The following CRADD variants were observed in gnomAD, a reference collection of about 807,000 sequenced individuals.
CRADD encodes the protein CARD and death domain containing adaptor protein.
CRADD carries 9 observed loss-of-function variants against 15.5 expected under a neutral mutation model. The observed-to-expected ratio is 0.58, with a 90% CI of 0.35 to 1.01. The LOEUF (loss-of-function observed/expected upper bound fraction) is 1.01. CRADD is among the 50% of genes least tolerant of loss of function. The pLI, the probability that CRADD is intolerant of heterozygous loss-of-function variation, is 0.02. For synonymous variants in CRADD, 118 were observed against 107.6 expected (o/e 1.10, Z -0.60); for missense variants, 227 against 250.3 (o/e 0.91, Z 0.63).
chr12:93,854,521 A>G (rs74679374), downstream of CRADD, among the ~76,000 whole-genome samples: 13,195 of 152,318 alleles, frequency 0.087, 652 homozygotes, highest in Non-Finnish European at 0.098. Flanking sequence ...ACCAAAAGGC[A>G]TGGAGAGAGG....
chr12:93,807,533 C>T (rs1444224138), intron 2 of CRADD, among the ~76,000 whole-genome samples: 1 of 152,126 alleles, frequency 6.6e-6, no homozygotes, highest in Non-Finnish European at 1.5e-5. Context: ...ATGTGCTAGG[C>T]ACTGTCCTAG....
chr12:93,887,892 T>A (rs1958548877), intron 2 of CRADD, among the ~76,000 whole-genome samples: 1 of 152,182 alleles, frequency 6.6e-6, no homozygotes, highest in African/African-American at 2.4e-5. Flanking sequence ...ACTTCATGTA[T>A]AACATGAAGG....
chr12:93,852,831 G>A (rs200122800), downstream of CRADD, among the ~76,000 whole-genome samples: 860 of 102,952 alleles, frequency 8.4e-3, 10 homozygotes, highest in African/African-American at 0.032. Context: ...TTTGGGTTGG[G>A]TTGGAGTGTG....
rs202101548 is a variant in CRADD at position 93,850,025 on chromosome 12, G to A, written c.354G>A (p.Arg118=). The change falls in exon 3 of 3, where the codon CGG becomes CGA. Residue 118 remains arginine, a synonymous_variant. Transcript: ENST00000332896. This position sits in a 1 kb window ranked among gnomAD's most constrained non-coding sequence, Gnocchi z 4.0. ...TCCTCAACAGCTCCCCATCAGACCGGCAGATTAACCAGCTGGCCCAGAGGC... is the reference window on the plus strand; with the variant it reads ...TCCTCAACAGCTCCCCATCAGACCGACAGATTAACCAGCTGGCCCAGAGGC... The part of the protein sequence containing the change: ...SHILNSSPSD[R]QINQLAQRLG... 15 of 1,611,500 alleles carry A rather than the reference G, an allele frequency of 9.3e-6. No homozygotes were observed. Among genetic ancestry groups the A allele is most frequent in the Non-Finnish European group, 1.3e-5 (15 of 1,177,622 alleles).
chr12:93,739,305 T>C lies in CRADD; in HGVS notation c.298+60233T>C, dbSNP rs1956633371. Among the ~76,000 whole-genome samples the C allele has an allele frequency of 2.0e-5, 3 of 150,352 alleles. No individual in the cohort carries two copies. In the Admixed American group the frequency reaches 2.0e-4, roughly 10 times the overall value. The stretch of plus-strand genomic sequence containing the variant: ...ACCCTGCTTATTTCCAATACAGATA[T>C]GAGGTTGGTACCCACTAATCTTAAC... On this transcript the variant is annotated intron_variant, in intron 2 of 2. Coordinates refer to ENST00000332896, the MANE Select transcript of CRADD (RefSeq NM_003805.5).
chr12:93,796,963 A>G (rs1957425491), intron 2 of CRADD, among the ~76,000 whole-genome samples: 1 of 152,152 alleles, frequency 6.6e-6, no homozygotes, highest in South Asian at 2.1e-4. Context: ...CCACTGTTGC[A>G]TCTGTTTGGT....
intron 2 of CRADD, among the ~76,000 whole-genome samples, chr12:93,761,173 A>T (rs910354023): frequency 6.6e-6 from 1 of 152,306 alleles, no homozygotes; most frequent in Non-Finnish European, 1.5e-5. Context: ...TCAGCATTTT[A>T]AAAAAATTCT....
rs190168607 is a variant in CRADD, at chr12:93,828,513, G to T, written c.299-21457G>T. ...GATATGGGGTATGCCTTAAATTCTT[G>T]TGTATGTCTGCATGTGTGTATGCAC... is the stretch of plus-strand genomic sequence containing the variant. On this transcript the variant is annotated intron_variant, in intron 2 of 2. Transcript: ENST00000332896. Among the ~76,000 whole-genome samples the T allele has an allele frequency of 5.4e-4, 82 of 152,300 alleles. No individual in the cohort carries two copies. The Middle Eastern group carries it at 0.01, about 19-fold the overall frequency.
At chr12:93,857,871 G>A (rs1227657141) in intron 2 of CRADD, among the ~76,000 whole-genome samples, 2 of 152,202 alleles carry the variant, frequency 1.3e-5, no homozygotes, top group African/African-American at 2.4e-5. Context: ...GTCTTTTGTG[G>A]CTAGCACATT....
intron 2 of CRADD, among the ~76,000 whole-genome samples, chr12:93,877,700 C>T (rs1236440460): frequency 6.6e-6 from 1 of 152,090 alleles, no homozygotes; most frequent in African/African-American, 2.4e-5. Context: ...GCTCTTAAGT[C>T]AGCTTATGGT....
At chr12:93,686,000 A>G (rs924527526) in intron 2 of CRADD, among the ~76,000 whole-genome samples, 3 of 151,334 alleles carry the variant, frequency 2.0e-5, no homozygotes, top group African/African-American at 7.3e-5. Flanking sequence ...TCTAAAAAAC[A>G]AAACCAACGG....
At chr12:93,761,558 G>T (rs906494526) in intron 2 of CRADD, among the ~76,000 whole-genome samples, 1 of 152,240 alleles carries the variant, frequency 6.6e-6, no homozygotes, top group South Asian at 2.1e-4. Context: ...AAGGAAGGTG[G>T]TACAGGTGGG....
intron 2 of CRADD, among the ~76,000 whole-genome samples, chr12:93,838,422 C>T (rs1306368722): frequency 6.6e-6 from 1 of 151,868 alleles, no homozygotes; most frequent in African/African-American, 2.4e-5. Context: ...ACTCCACTCA[C>T]ATTAGCTACA....
At chr12:93,683,671 TTGAG>T (rs1955369121) in intron 2 of CRADD, among the ~76,000 whole-genome samples, 1 of 152,242 alleles carries the variant, frequency 6.6e-6, no homozygotes, top group African/African-American at 2.4e-5. Flanking sequence ...GGCGCCAGCC[TTGAG>T]TGACAACACA....
chr12:93,751,031 T>G (rs542261413), intron 2 of CRADD, among the ~76,000 whole-genome samples: 3 of 152,352 alleles, frequency 2.0e-5, no homozygotes, highest in Admixed American at 6.5e-5. Context: ...GTAACTTGCC[T>G]GTGTCTACTA....
At chr12:93,851,842 G>A (rs1958225868), downstream of CRADD, among the ~76,000 whole-genome samples, 1 of 152,086 alleles carries the variant, frequency 6.6e-6, no homozygotes, top group Non-Finnish European at 1.5e-5. Flanking sequence ...TCCATTCCAA[G>A]AATAAATTTA....
intron 2 of CRADD, among the ~76,000 whole-genome samples, chr12:93,770,404 A>G (rs925784259): frequency 2.0e-5 from 3 of 151,976 alleles, no homozygotes; most frequent in Non-Finnish European, 4.4e-5. Flanking sequence ...GCCCCCTCCT[A>G]TGTTATCTTT....
chr12:93,706,484 G>A (rs899512981), intron 2 of CRADD, among the ~76,000 whole-genome samples: 3 of 152,120 alleles, frequency 2.0e-5, no homozygotes, highest in Non-Finnish European at 4.4e-5. Flanking sequence ...CCACTTAATG[G>A]TTCTGTATTT....
chr12:93,818,141 C>G (rs1018098218), intron 2 of CRADD, among the ~76,000 whole-genome samples: 3 of 152,124 alleles, frequency 2.0e-5, no homozygotes, highest in Admixed American at 6.5e-5. Context: ...ATAAAAATTC[C>G]TCCTACAAGG....
Sources: allele counts gnomAD v4.1 joint callset (sites outside exome capture counted in the v4.1 genomes callset), GRCh38; gene constraint gnomAD v4.1.1; non-coding constraint Gnocchi (gnomAD v3.1); transcripts MANE v1.5; gene names NCBI Gene and HGNC (gene_info 2026-07-23, HGNC 2026-07-21).